The following ADAMTSL3 variants were observed in gnomAD, a reference collection of about 807,000 sequenced individuals.
ADAMTSL3 encodes the protein ADAMTS-like protein 3.
Under a neutral mutation model 201.7 loss-of-function variants are expected in ADAMTSL3, and 128 were observed. That is an observed-to-expected ratio of 0.63 (90% CI 0.55 to 0.73). The LOEUF (loss-of-function observed/expected upper bound fraction) is 0.73, where lower values mean the gene tolerates loss of function less well. ADAMTSL3 is among the 30% of genes least tolerant of loss of function. The probability of loss-of-function intolerance (pLI) is 0.00; values close to 1 mark genes in which losing one functional copy is unlikely to be tolerated. For missense variants in ADAMTSL3, 1,990 were observed against 2,119.6 expected (o/e 0.94, Z 1.20); for synonymous variants, 738 against 748.4 (o/e 0.99, Z 0.23).
At chr15:83,706,288 A>C (rs1482355021) in intron 3 of ADAMTSL3, among the ~76,000 whole-genome samples, 1 of 152,178 alleles carries the variant, frequency 6.6e-6, no homozygotes, top group Non-Finnish European at 1.5e-5. Context: ...ATAACAATAT[A>C]AAAGCTGGGA....
At chr15:83,813,602 C>G (rs2063729772) in intron 5 of ADAMTSL3, among the ~76,000 whole-genome samples, 1 of 152,164 alleles carries the variant, frequency 6.6e-6, no homozygotes. Context: ...CCACACCACT[C>G]TCCCTGACAA....
At chr15:83,930,653 G>A (rs912073721) in intron 17 of ADAMTSL3, among the ~76,000 whole-genome samples, 4 of 152,226 alleles carry the variant, frequency 2.6e-5, no homozygotes, top group African/African-American at 9.6e-5. Flanking sequence ...TGGCCACTTT[G>A]CAAAATTAAG....
intron 10 of ADAMTSL3, among the ~76,000 whole-genome samples, chr15:83,889,077 A>T (rs1004013929): frequency 1.3e-5 from 2 of 152,352 alleles, no homozygotes; most frequent in Non-Finnish European, 1.5e-5. Context: ...CAGATCTTTC[A>T]GGAAATAGAA....
chr15:83,703,677 C>CG (rs1555431903), intron 2 of ADAMTSL3, among the ~76,000 whole-genome samples: 1 of 152,172 alleles, frequency 6.6e-6, no homozygotes, highest in Non-Finnish European at 1.5e-5. Context: ...ACGTGGAACT[C>CG]TAAGTCCAAT....
At chr15:83,746,741 T>C (rs1357155862) in intron 3 of ADAMTSL3, among the ~76,000 whole-genome samples, 1 of 152,182 alleles carries the variant, frequency 6.6e-6, no homozygotes, top group Non-Finnish European at 1.5e-5. Flanking sequence ...GGCTCACACC[T>C]GTAATCCCAG....
At chr15:83,800,938 T>C (rs1333948195) in intron 4 of ADAMTSL3, among the ~76,000 whole-genome samples, 1 of 152,188 alleles carries the variant, frequency 6.6e-6, no homozygotes, top group African/African-American at 2.4e-5. Context: ...AAGTAGGCCA[T>C]GTAAGTGAAT....
At chr15:83,712,898 T>G (rs2061951354) in intron 3 of ADAMTSL3, among the ~76,000 whole-genome samples, 1 of 152,190 alleles carries the variant, frequency 6.6e-6, no homozygotes, top group Admixed American at 6.5e-5. Context: ...TTAGAAGTAT[T>G]AAATCCTGCA....
At position 84,039,766 on chromosome 15, in the gene ADAMTSL3, G is replaced by C. The variant is rs1448302251; in HGVS notation, c.*1960G>C. The C allele has an allele frequency of 6.6e-6, 1 of 152,610 alleles. No homozygotes were observed. Among genetic ancestry groups the C allele is most frequent in the Non-Finnish European group, 1.5e-5 (1 of 68,026 alleles). The allele number at this position is 152,610 out of a possible 1,614,324, so 9.5% of individuals were successfully genotyped here. On this transcript the variant is annotated 3_prime_UTR_variant, in exon 30 of 30. Transcript: ENST00000286744. Reference sequence around the variant, plus strand: ...TTACTACTGTTTTTATAACATGAGAGTTAATGTTTCTGTTTCATGATCCTT... The same window carrying C: ...TTACTACTGTTTTTATAACATGAGACTTAATGTTTCTGTTTCATGATCCTT...
At chr15:83,728,088 G>A (rs1170276834) in intron 3 of ADAMTSL3, among the ~76,000 whole-genome samples, 2 of 151,580 alleles carry the variant, frequency 1.3e-5, no homozygotes, top group Admixed American at 6.6e-5. Flanking sequence ...ATATCCTCTT[G>A]GTGTTTTGAC....
At chr15:83,754,397 C>T (rs770059432) in intron 3 of ADAMTSL3, among the ~76,000 whole-genome samples, 55 of 151,994 alleles carry the variant, frequency 3.6e-4, no homozygotes, top group Non-Finnish European at 7.4e-5. Flanking sequence ...GGCAAGCGTT[C>T]ACCGGAGAGA....
chr15:83,904,858 TA>T (rs745741260), intron 15 of ADAMTSL3, among the ~76,000 whole-genome samples: 7 of 152,270 alleles, frequency 4.6e-5, no homozygotes, highest in Admixed American at 2.6e-4. Flanking sequence ...ACTGCTGACT[TA>T]AATTCTCCAT....
intron 29 of ADAMTSL3, 22 bp from the exon 30 acceptor site, chr15:84,037,678 G>T (rs1186667576): frequency 6.3e-7 from 1 of 1,579,874 alleles, no homozygotes; most frequent in Non-Finnish European, 8.6e-7. Context: ...ATATGTTACA[G>T]ATATTTGTTT....
chr15:83,954,344 C>G lies in ADAMTSL3; in HGVS notation c.2490+11262C>G, dbSNP rs552632431. Among the ~76,000 whole-genome samples, 3 of 152,240 alleles carry G rather than the reference C, an allele frequency of 2.0e-5. No homozygotes were observed. In the East Asian group the frequency reaches 5.8e-4, roughly 29 times the overall value. On this transcript the variant is annotated intron_variant, in intron 19 of 29. Transcript: ENST00000286744. Reference sequence around the variant, plus strand: ...GACTCTGATACATTCTTCAGTATGTCAATTGTATTTTTTAAATCTAGAATT... The same window carrying G: ...GACTCTGATACATTCTTCAGTATGTGAATTGTATTTTTTAAATCTAGAATT...
intron 13 of ADAMTSL3, among the ~76,000 whole-genome samples, chr15:83,893,752 A>G (rs1456267521): frequency 6.6e-6 from 1 of 152,206 alleles, no homozygotes; most frequent in Non-Finnish European, 1.5e-5. Context: ...TTCACTTTCT[A>G]AAGAGATGAC....
intron 6 of ADAMTSL3, among the ~76,000 whole-genome samples, chr15:83,827,256 G>A (rs1230161148): frequency 2.6e-5 from 4 of 152,148 alleles, no homozygotes; most frequent in Non-Finnish European, 5.9e-5. Flanking sequence ...TTCTCTGATG[G>A]CCAGTGATGA....
At chr15:83,946,673 TCAGGTCTG>T (rs2066660675) in intron 19 of ADAMTSL3, among the ~76,000 whole-genome samples, 1 of 152,196 alleles carries the variant, frequency 6.6e-6, no homozygotes, top group South Asian at 2.1e-4. Context: ...TTAGAAGAGC[TCAGGTCTG>T]CTAACACAGG....
chr15:83,703,653 A>G (rs896841473), intron 2 of ADAMTSL3, among the ~76,000 whole-genome samples: 1 of 152,024 alleles, frequency 6.6e-6, no homozygotes, highest in Non-Finnish European at 1.5e-5. Context: ...CATGATACTG[A>G]GGCCTCCCCA....
chr15:83,725,060 G>A (rs2062153349), intron 3 of ADAMTSL3, among the ~76,000 whole-genome samples: 1 of 151,948 alleles, frequency 6.6e-6, no homozygotes, highest in South Asian at 2.1e-4. Flanking sequence ...CCTTTCTTTT[G>A]GGTATATACC....
chr15:83,969,685 T>C (rs1046373042), intron 19 of ADAMTSL3, among the ~76,000 whole-genome samples: 1 of 152,144 alleles, frequency 6.6e-6, no homozygotes, highest in African/African-American at 2.4e-5. Context: ...GTCAAACTCA[T>C]AGAAGCATAG....
Sources: allele counts gnomAD v4.1 joint callset (sites outside exome capture counted in the v4.1 genomes callset), GRCh38; gene constraint gnomAD v4.1.1; transcripts MANE v1.5; gene names NCBI Gene and HGNC (gene_info 2026-07-23, HGNC 2026-07-21).